MGAT4C: variants seen among roughly 807,000 people sequenced by gnomAD.
MGAT4C encodes alpha-1,3-mannosyl-glycoprotein 4-beta-N-acetylglucosaminyltransferase C.
In MGAT4C, 19 loss-of-function variants were observed where a neutral mutation model predicts 40.1. The observed-to-expected ratio is 0.47, with a 90% CI of 0.33 to 0.70. MGAT4C has a LOEUF of 0.70. Ranked by LOEUF, MGAT4C falls within the 30% of genes least tolerant of loss-of-function variation. MGAT4C has a pLI of 0.02. For synonymous variants in MGAT4C, 181 were observed against 187.1 expected, an observed-to-expected ratio of 0.97 and a Z score of 0.27; for missense variants, 491 against 563.2, an observed-to-expected ratio of 0.87 and a Z score of 1.30.
At chr12:86,420,720 T>C (rs1956804075) in intron 3 of MGAT4C, among the ~76,000 whole-genome samples, 1 of 151,280 alleles carries the variant, frequency 6.6e-6, no homozygotes, top group South Asian at 2.1e-4. Context: ...CAGTTCCATA[T>C]AGCCTGCTAC....
rs1373237455 is a variant in MGAT4C, at chr12:86,038,303, A to C, written c.-7+11371T>G. ...GATGCCACGAGCGGTTTATGCCCTG[A>C]GCCCTGGACATTATGTCAGACATGC... On this transcript the variant is annotated intron_variant, in intron 2 of 4. Coordinates refer to ENST00000611864, the MANE Select transcript of MGAT4C (RefSeq NM_001351288.2). Among the ~76,000 whole-genome samples the C allele has an allele frequency of 1.3e-5, 2 of 149,622 alleles. 1 individual carries two copies. The highest frequency in any genetic ancestry group is 3.0e-5 in the Non-Finnish European group (2 of 66,698).
chr12:86,744,007 G>A (rs1303148459), intron 1 of MGAT4C, among the ~76,000 whole-genome samples: 1 of 151,508 alleles, frequency 6.6e-6, no homozygotes, highest in African/African-American at 2.4e-5. Context: ...AACCAACAAG[G>A]CATATGGAAG....
At chr12:86,659,984 C>T (rs953697751) in intron 2 of MGAT4C, among the ~76,000 whole-genome samples, 8 of 151,396 alleles carry the variant, frequency 5.3e-5, no homozygotes, top group African/African-American at 1.9e-4. Context: ...AGCAAAAACT[C>T]TTTCCTCTTC....
chr12:86,259,161 TTAG>T (rs1166862560), upstream of MGAT4C, among the ~76,000 whole-genome samples: 1 of 151,918 alleles, frequency 6.6e-6, no homozygotes, highest in Non-Finnish European at 1.5e-5. Context: ...AAAGTAATAA[TTAG>T]TAGAATTTAT....
intron 2 of MGAT4C, among the ~76,000 whole-genome samples, chr12:86,453,641 T>C (rs1957462574): frequency 6.6e-6 from 1 of 152,150 alleles, no homozygotes; most frequent in South Asian, 2.1e-4. Context: ...CTTTGGCTTT[T>C]GTCTGGTCTT....
At chr12:86,184,738 TAAAAAAAAAAAAA>T (rs34098097) in intron 1 of MGAT4C, among the ~76,000 whole-genome samples, 1 of 86,910 alleles carries the variant, frequency 1.2e-5, no homozygotes, top group Non-Finnish European at 2.2e-5. Context: ...TTTCTCCTGT[TAAAAAAAAAAAAA>T]AAAAAAAAAA....
chr12:86,353,573 T>A (rs1955229440), intron 3 of MGAT4C, among the ~76,000 whole-genome samples: 1 of 152,176 alleles, frequency 6.6e-6, no homozygotes, highest in Non-Finnish European at 1.5e-5. Context: ...AATTTTCATG[T>A]CTTGACTTTC....
chr12:86,590,689 A>T (rs1217117445), intron 2 of MGAT4C, among the ~76,000 whole-genome samples: 3 of 152,062 alleles, frequency 2.0e-5, no homozygotes, highest in Non-Finnish European at 2.9e-5. Flanking sequence ...ACATAAATAC[A>T]GAAACAAAAA....
chr12:86,282,085 T>A (rs1365886223), intron 4 of MGAT4C, among the ~76,000 whole-genome samples: 2 of 152,154 alleles, frequency 1.3e-5, no homozygotes, highest in Non-Finnish European at 2.9e-5. Flanking sequence ...CTTTGCTCAG[T>A]ATTTGATGTG....
intron 1 of MGAT4C, among the ~76,000 whole-genome samples, chr12:86,797,934 G>C (rs1043270711): frequency 1.3e-5 from 2 of 151,870 alleles, no homozygotes; most frequent in African/African-American, 4.8e-5. Flanking sequence ...ATATACTCCT[G>C]AGTTGATTTC....
chr12:86,187,215 CA>C (rs1368815352), intron 1 of MGAT4C, among the ~76,000 whole-genome samples: 2 of 151,990 alleles, frequency 1.3e-5, no homozygotes, highest in Admixed American at 6.6e-5. Context: ...ATAGCCCTAC[CA>C]CCCTGAATGC....
At chr12:86,612,732 T>A in intron 2 of MGAT4C, among the ~76,000 whole-genome samples, 2 of 130,570 alleles carry the variant, frequency 1.5e-5, no homozygotes, top group African/African-American at 3.1e-5. Context: ...AGAGTGAGAC[T>A]CTGTCTCAAA....
At chr12:86,762,905 T>C (rs1013879868) in intron 1 of MGAT4C, among the ~76,000 whole-genome samples, 3 of 152,196 alleles carry the variant, frequency 2.0e-5, no homozygotes, top group Non-Finnish European at 4.4e-5. Flanking sequence ...GAAACTCTAG[T>C]CTACAGGTGT....
At chr12:86,729,879 G>A (rs920173123) in intron 1 of MGAT4C, among the ~76,000 whole-genome samples, 1 of 151,974 alleles carries the variant, frequency 6.6e-6, no homozygotes, top group Non-Finnish European at 1.5e-5. Flanking sequence ...AATTGCTCTT[G>A]TTCCTAATAG....
At chr12:86,076,603 A>G (rs1172439878) in intron 1 of MGAT4C, among the ~76,000 whole-genome samples, 1 of 152,162 alleles carries the variant, frequency 6.6e-6, no homozygotes, top group African/African-American at 2.4e-5. Flanking sequence ...CCTCATAATC[A>G]TGGCAGGAGG....
chr12:86,683,045 G>A (rs1476034133), intron 2 of MGAT4C, among the ~76,000 whole-genome samples: 2 of 152,144 alleles, frequency 1.3e-5, no homozygotes, highest in Non-Finnish European at 2.9e-5. Flanking sequence ...AATAAACTAG[G>A]ATCCTGAGCA....
intron 2 of MGAT4C, among the ~76,000 whole-genome samples, chr12:86,632,519 A>G (rs1485972696): frequency 2.0e-5 from 3 of 152,152 alleles, no homozygotes; most frequent in Admixed American, 6.5e-5. Flanking sequence ...ATGTCCATCA[A>G]TGATAGACTG....
In MGAT4C at chr12:86,384,094, G is replaced by A. The variant is rs141977925; in HGVS notation, c.-119-49967C>T. 1.2e-3 allele frequency among the ~76,000 whole-genome samples: 181 copies of A among 152,266 alleles called. 1 individual carries two copies. The highest frequency in any genetic ancestry group is 4.3e-3 in the African/African-American group (177 of 41,550). On this transcript the variant is annotated intron_variant, in intron 3 of 7. Coordinates refer to the MGAT4C transcript ENST00000548651. Reference sequence around the variant, plus strand: ...GCTCTCTTCTCTTATCTGCTGCCATGTGAGACGTGTCTTTTACCTTCTGCC... The same window carrying A: ...GCTCTCTTCTCTTATCTGCTGCCATATGAGACGTGTCTTTTACCTTCTGCC...
At chr12:86,835,802 A>T (rs1953025391) in intron 1 of MGAT4C, among the ~76,000 whole-genome samples, 1 of 151,840 alleles carries the variant, frequency 6.6e-6, no homozygotes, top group Admixed American at 6.6e-5. Flanking sequence ...TTTATTACTG[A>T]AACTGCAAAA....
Sources: gnomAD v4.1 joint callset for allele counts (sites outside exome capture counted in the v4.1 genomes callset) on GRCh38, gnomAD v4.1.1 for gene constraint, MANE v1.5 for transcripts, NCBI Gene and HGNC (gene_info 2026-07-23, HGNC 2026-07-21) for gene names.